VCPIP1: variants seen among roughly 807,000 people sequenced by gnomAD.
VCPIP1 encodes valosin containing protein interacting protein 1.
Under a neutral mutation model 85.0 loss-of-function variants are expected in VCPIP1, and 8 were observed. The ratio of observed to expected loss-of-function variants is 0.09; its 90% CI spans 0.06 to 0.17. The LOEUF is 0.17. VCPIP1 is among the 10% of genes least tolerant of loss of function. VCPIP1 has a pLI of 1.00. For synonymous variants in VCPIP1, 543 were observed against 544.5 expected (o/e 1.00, Z 0.04); for missense variants, 1,070 against 1,486.3 (o/e 0.72, Z 4.61).
rs1811229676 is a variant in VCPIP1 at position 66,667,185 on chromosome 8, AC to A, written c.-228del. On this transcript the variant is annotated 5_prime_UTR_variant, in exon 1 of 3. Transcript: ENST00000310421. ...CCCCGAACGTAACGGCCACCACCCC[AC>A]CCCGCACTCACACTCACTCACTCTC... The A allele has an allele frequency of 6.0e-6, 5 of 838,578 alleles. No homozygotes were observed. 51.9% of individuals were successfully genotyped at this position (838,578 alleles called of 1,614,324 possible). A position where few individuals can be genotyped will look rare whatever the true frequency, so the allele number is the denominator to read the frequency against.
rs1382667506 is a variant in VCPIP1, at chr8:66,666,332, A to T, written c.627T>A (p.Ile209=). The change falls in exon 1 of 3, where the codon ATT becomes ATA. Residue 209 remains isoleucine, a synonymous_variant. Coordinates refer to ENST00000310421, the MANE Select transcript of VCPIP1 (RefSeq NM_025054.5). The surrounding 1 kb of genome is among the most constrained non-coding windows in gnomAD (Gnocchi z 6.3). The stretch of plus-strand genomic sequence containing the variant: ...GTCCATCCCCGTCCACATGCACTGG[A>T]ATGAGACATTCCTGGCTTTTATTGG... ...KRANKSQECL[I]PVHVDGDGHC... 6.2e-7 allele frequency: 1 copy of T among 1,614,118 alleles called. No individual in the cohort carries two copies. The highest frequency in any genetic ancestry group is 1.1e-5 in the South Asian group (1 of 91,076).
Position 66,666,872 on chromosome 8 carries a change from C to G in VCPIP1, c.87G>C (p.Ser29=), listed in dbSNP as rs752295161. The change falls in exon 1 of 3, where the codon TCG becomes TCC. Residue 29 remains serine, a synonymous_variant. Transcript: ENST00000310421. The surrounding 1 kb of genome is among the most constrained non-coding windows in gnomAD (Gnocchi z 6.3). ...TCAAAAGCCCCCCCGAAGCAGCCGCCGACGCCAAGGACGACGGAGTCTGTG... is the reference window on the plus strand; with the variant it reads ...TCAAAAGCCCCCCCGAAGCAGCCGCGGACGCCAAGGACGACGGAGTCTGTG... ...EAPQTPSSLA[S]AAASGGLLKR... is the part of the protein sequence containing the mutation. 1.9e-6 allele frequency: 3 copies of G among 1,612,830 alleles called. No individual in the cohort carries two copies. The highest frequency in any genetic ancestry group is 2.5e-6 in the Non-Finnish European group (3 of 1,179,892).
In VCPIP1 at chr8:66,664,604, T is replaced by C. The variant is rs1298639827; in HGVS notation, c.2355A>G (p.Arg785=). 11 of 1,614,042 alleles carry C rather than the reference T, an allele frequency of 6.8e-6. No individual in the cohort carries two copies. Among genetic ancestry groups the C allele is most frequent in the Non-Finnish European group, 9.3e-6 (11 of 1,180,030 alleles). ...AAGACTTAAGGGTAACCATGGACTG[T>C]CGTCCATCATTAGTTGTGATTCGGA... The part of the protein sequence containing the change: ...KKIRITTNDG[R]QSMVTLKSST... Residue 785 remains arginine, a synonymous_variant, in exon 1 of 3, where the codon CGA becomes CGG. Transcript: ENST00000310421.
Position 66,666,819 on chromosome 8 carries a change from C to A in VCPIP1, c.140G>T (p.Gly47Val). The change falls in exon 1 of 3, where the codon GGG (glycine) becomes GTG (valine). Residue 47 changes from glycine (G) to valine (V), a missense_variant. Physicochemically the swap from Gly to Val is moderately radical, Grantham distance 109. This residue lies in a region of VCPIP1 where 164 missense variants were observed against 158.6 expected (regional missense o/e 1.03). Coordinates refer to ENST00000310421, the MANE Select transcript of VCPIP1 (RefSeq NM_025054.5). This position sits in a 1 kb window ranked among gnomAD's most constrained non-coding sequence, Gnocchi z 6.3. ...LKRRDRRILS[G>V]SCPDPKCQAR... ...CTGACACTTCGGATCCGGGCAGCTC[C>A]CGGAAAGGATTCTCCGGTCTCTCCG... 7 of 1,613,950 alleles carry A rather than the reference C, an allele frequency of 4.3e-6. No homozygotes were observed. Among genetic ancestry groups the A allele is most frequent in the Non-Finnish European group, 5.9e-6 (7 of 1,179,976 alleles).
intron 2 of VCPIP1, among the ~76,000 whole-genome samples, chr8:66,648,609 C>T (rs1230882757): frequency 1.3e-5 from 2 of 151,958 alleles, no homozygotes; most frequent in Non-Finnish European, 2.9e-5. Flanking sequence ...GGCTGGAGTG[C>T]AGTGGCATGA....
Position 66,666,362 on chromosome 8 carries a change from C to T in VCPIP1, c.597G>A (p.Lys199=). 1 of 1,614,160 alleles carries T rather than the reference C, an allele frequency of 6.2e-7. No individual in the cohort carries two copies. Among genetic ancestry groups the T allele is most frequent in the Non-Finnish European group, 8.5e-7 (1 of 1,180,034 alleles). Reference sequence around the variant, plus strand: ...GACATTCCTGGCTTTTATTGGCCCGCTTAATGTCCTCCAGAGTGTCATGCA... The same window carrying T: ...GACATTCCTGGCTTTTATTGGCCCGTTTAATGTCCTCCAGAGTGTCATGCA... ...LYLHDTLEDI[K]RANKSQECLI... The change falls in exon 1 of 3, where the codon AAG becomes AAA. Residue 199 remains lysine, a synonymous_variant. Coordinates refer to ENST00000310421, the MANE Select transcript of VCPIP1 (RefSeq NM_025054.5). This position sits in a 1 kb window ranked among gnomAD's most constrained non-coding sequence, Gnocchi z 6.3.
rs1342402389 is a variant in VCPIP1, at chr8:66,651,378, A to G, written c.2797+80T>C. Reference sequence around the variant, plus strand: ...AAATTAACTTTGAAAATATTTTAGTAGAAAACTATATGAACTTTCTTAATC... The same window carrying G: ...AAATTAACTTTGAAAATATTTTAGTGGAAAACTATATGAACTTTCTTAATC... On this transcript the variant is annotated intron_variant, in intron 2 of 2. Transcript: ENST00000310421. 11 of 1,064,946 alleles carry G rather than the reference A, an allele frequency of 1.0e-5. No homozygotes were observed. In the East Asian group the frequency reaches 3.0e-4, roughly 29 times the overall value. 66.0% of individuals were successfully genotyped at this position (1,064,946 alleles called of 1,614,324 possible).
Position 66,634,736 on chromosome 8 carries a change from C to T in VCPIP1, c.3434G>A (p.Ser1145Asn), listed in dbSNP as rs1289657959. The T allele has an allele frequency of 6.2e-7, 1 of 1,614,218 alleles. No individual in the cohort carries two copies. Among genetic ancestry groups the T allele is most frequent in the African/African-American group, 1.3e-5 (1 of 75,064 alleles). ...AAGACTCCCAGACTTTGCAGAAGAA[C>T]TCACAACTTCTGTTTTCCTTTGAGG... ...DLPQRKTEVVSSSAKSGSLQT... is the reference protein window; with the variant it reads ...DLPQRKTEVVNSSAKSGSLQT... Residue 1145 changes from serine (S) to asparagine (N), a missense_variant, in exon 3 of 3, where the codon AGT becomes AAT. Transcript: ENST00000310421.
chr8:66,635,011 C>T lies in VCPIP1; in HGVS notation c.3159G>A (p.Lys1053=). The part of the protein sequence containing the change: ...PRARETSVVR[K]HNTGTDFSNS... ...TACTAAAGTCTGTCCCTGTATTATG[C>T]TTTCTTACAACTGAAGTTTCCCTAG... Residue 1053 remains lysine (K), a synonymous_variant, in exon 3 of 3, where the codon AAG becomes AAA. Coordinates refer to ENST00000310421, the MANE Select transcript of VCPIP1 (RefSeq NM_025054.5). 1 of 1,613,580 alleles carries T rather than the reference C, an allele frequency of 6.2e-7. No individual in the cohort carries two copies. The highest frequency in any genetic ancestry group is 8.5e-7 in the Non-Finnish European group (1 of 1,179,628).
chr8:66,666,545 T>G lies in VCPIP1; in HGVS notation c.414A>C (p.Gly138=). ...KLLSPILARY[G]MDKQTGRAKL... ...TGGCCCGGCCTGTCTGTTTGTCCAT[T>G]CCATAGCGAGCTAATATGGGCGACA... Residue 138 remains glycine (G), a synonymous_variant, in exon 1 of 3, where the codon GGA becomes GGC. Transcript: ENST00000310421. The surrounding 1 kb of genome is among the most constrained non-coding windows in gnomAD (Gnocchi z 6.3). 6.2e-7 allele frequency: 1 copy of G among 1,614,120 alleles called. No homozygotes were observed. The highest frequency in any genetic ancestry group is 8.5e-7 in the Non-Finnish European group (1 of 1,180,014).
intron 2 of VCPIP1, among the ~76,000 whole-genome samples, chr8:66,641,069 C>T (rs1246279987): frequency 8.5e-5 from 13 of 152,332 alleles, no homozygotes; most frequent in Admixed American, 7.2e-4. Context: ...GCTGCAGGGC[C>T]GCACAGAGTT....
rs1257523700 is a variant in VCPIP1, at chr8:66,631,785, CT to C, written c.*2715del. 6.6e-6 allele frequency: 1 copy of C among 152,516 alleles called. No homozygotes were observed. Among genetic ancestry groups the C allele is most frequent in the Non-Finnish European group, 1.5e-5 (1 of 67,960 alleles). The allele number at this position is 152,516 out of a possible 1,614,324, so 9.4% of individuals were successfully genotyped here. A position where few individuals can be genotyped will look rare whatever the true frequency, so the allele number is the denominator to read the frequency against. On this transcript the variant is annotated 3_prime_UTR_variant, in exon 3 of 3. Transcript: ENST00000310421. ...CGGGAGAAATGGGTTTGCTCTTTAA[CT>C]AGTTCCTGAGTAACCATTCTCATGG...
chr8:66,645,759 C>T (rs933104993), intron 2 of VCPIP1, among the ~76,000 whole-genome samples: 1 of 57,488 alleles, frequency 1.7e-5, no homozygotes, highest in Non-Finnish European at 4.0e-5. Context: ...CCTGTCTCTA[C>T]AAAAAAAAAA....
At position 66,632,398 on chromosome 8, in the gene VCPIP1, G is replaced by A. The variant is rs1810843126; in HGVS notation, c.*2103C>T. 6.6e-6 allele frequency: 1 copy of A among 152,026 alleles called. No individual in the cohort carries two copies. The highest frequency in any genetic ancestry group is 1.5e-5 in the Non-Finnish European group (1 of 67,936). The allele number at this position is 152,026 out of a possible 1,614,324, so 9.4% of individuals were successfully genotyped here. The stretch of plus-strand genomic sequence containing the variant: ...TCAAGGGAGAACCCAAACTATTACT[G>A]TACTATTCATACCTAACTGGCTTTT... On this transcript the variant is annotated 3_prime_UTR_variant, in exon 3 of 3. Transcript: ENST00000310421.
Position 66,638,976 on chromosome 8 carries a change from A to C in VCPIP1, c.2798-3604T>G, listed in dbSNP as rs546538432. Among the ~76,000 whole-genome samples the C allele has an allele frequency of 5.7e-4, 77 of 135,378 alleles. 1 individual carries two copies. The highest frequency in any genetic ancestry group is 1.5e-3 in the African/African-American group (49 of 31,770). 88.8% of individuals were successfully genotyped at this position (135,378 alleles called of 152,430 possible). On this transcript the variant is annotated intron_variant, in intron 2 of 2. Coordinates refer to ENST00000310421, the MANE Select transcript of VCPIP1 (RefSeq NM_025054.5). ...TCTCTCTCTCTCTCTCTCTCTATAT[A>C]TATATATATACATATATTTTGTGGG...
intron 2 of VCPIP1, among the ~76,000 whole-genome samples, chr8:66,648,526 A>AATCAATCT (rs1811018351): frequency 6.9e-6 from 1 of 144,542 alleles, no homozygotes; most frequent in Non-Finnish European, 1.5e-5. Flanking sequence ...CTATGTATCT[A>AATCAATCT]ATCTATCTAT....
intron 2 of VCPIP1, among the ~76,000 whole-genome samples, chr8:66,644,988 A>G (rs909013493): frequency 8.6e-5 from 13 of 151,780 alleles, no homozygotes; most frequent in African/African-American, 3.1e-4. Flanking sequence ...GGTCCCAGCT[A>G]CTTGGGAGGC....
intron 1 of VCPIP1, among the ~76,000 whole-genome samples, chr8:66,659,541 TTAATA>T (rs1811135471): frequency 6.6e-6 from 1 of 152,164 alleles, no homozygotes; most frequent in African/African-American, 2.4e-5. Flanking sequence ...TATTGTTTTA[TTAATA>T]TAAGTAATAG....
intron 2 of VCPIP1, among the ~76,000 whole-genome samples, chr8:66,648,158 G>C (rs983357642): frequency 5.3e-5 from 8 of 151,916 alleles, no homozygotes; most frequent in African/African-American, 1.5e-4. Flanking sequence ...GCAATAAAAA[G>C]GAATAAACTC....
Sources: allele counts gnomAD v4.1 joint callset (sites outside exome capture counted in the v4.1 genomes callset), GRCh38; gene constraint gnomAD v4.1.1; regional missense constraint gnomAD v4.1.1; non-coding constraint Gnocchi (gnomAD v3.1); transcripts MANE v1.5; gene names NCBI Gene and HGNC (gene_info 2026-07-23, HGNC 2026-07-21).